MYO15A: variants seen among roughly 807,000 people sequenced by gnomAD.
The protein encoded by MYO15A is myosin XVA, also known as unconventional myosin-XV.
In MYO15A, 308 loss-of-function variants were observed where a neutral mutation model predicts 394.6. The ratio of observed to expected loss-of-function variants is 0.78; its 90% CI spans 0.71 to 0.86. The LOEUF (loss-of-function observed/expected upper bound fraction) is 0.86. MYO15A is among the 40% of genes least tolerant of loss of function. The pLI is 0.00. For missense variants in MYO15A, 4,606 were observed against 4,799.1 expected (o/e 0.96, Z 1.19); for synonymous variants, 1,957 against 2,003.8 (o/e 0.98, Z 0.62).
intron 60 of MYO15A, chr17:18,165,091 C>CA (rs542838222): frequency 0.038 from 1,836 of 48,784 alleles, 22 homozygotes; most frequent in African/African-American, 0.06. Flanking sequence ...AACTCCATCT[C>CA]AAAAAAAAAA....
chr17:18,135,596 C>T (rs2046251213), intron 12 of MYO15A, 115 bp from the exon 13 acceptor site: 8 of 984,246 alleles, frequency 8.1e-6, no homozygotes, highest in Middle Eastern at 5.5e-4. Context: ...CCGCCTCAGC[C>T]TCCCAAAGTG....
chr17:18,117,549 T>TGAGGAGGAA lies in MYO15A; in HGVS notation c.-219-1024_-219-1016dup, dbSNP rs1379235897. Among the ~76,000 whole-genome samples, 1 of 152,166 alleles carries TGAGGAGGAA rather than the reference T, an allele frequency of 6.6e-6. No homozygotes were observed. The highest frequency in any genetic ancestry group is 2.4e-5 in the African/African-American group (1 of 41,434). ...GAGTTCAGTGAGTTGAGGTCCATCTTGAGGAGGAAGAGGAGGAGGAGAGCT... is the reference window on the plus strand; with the variant it reads ...GAGTTCAGTGAGTTGAGGTCCATCTTGAGGAGGAAGAGGAGGAAGAGGAGGAGGAGAGCT... On this transcript the variant is annotated intron_variant, in intron 1 of 65. Coordinates refer to ENST00000647165, the MANE Select transcript of MYO15A (RefSeq NM_016239.4). The surrounding 1 kb of genome is among the most constrained non-coding windows in gnomAD (Gnocchi z 4.1).
In MYO15A at chr17:18,136,441, A is replaced by G. The variant is rs755006700; in HGVS notation, c.4621A>G (p.Thr1541Ala). Residue 1541 changes from threonine (T) to alanine (A), a missense_variant, in exon 14 of 66, where the codon ACG becomes GCG. Thr to Ala is a moderately conservative substitution (Grantham distance 58, BLOSUM62 0). This residue lies in a region of MYO15A where 2,776 missense variants were observed against 3,109.3 expected (regional missense o/e 0.89). Coordinates refer to ENST00000647165, the MANE Select transcript of MYO15A (RefSeq NM_016239.4). ...GGAGACAATGCGAGAGAAGATCTTC[A>G]CGCCCCTAACTGTGGAGAGCGCTGT... ...VTETMREKIF[T>A]PLTVESAVDA... 1 of 1,613,774 alleles carries G rather than the reference A, an allele frequency of 6.2e-7. No individual in the cohort carries two copies. Among genetic ancestry groups the G allele is most frequent in the Non-Finnish European group, 8.5e-7 (1 of 1,180,012 alleles).
chr17:18,148,479 C>A lies in MYO15A; in HGVS notation c.6692-17C>A. On this transcript the variant is annotated splice_polypyrimidine_tract_variant and intron_variant, in intron 31 of 65. Coordinates refer to ENST00000647165, the MANE Select transcript of MYO15A (RefSeq NM_016239.4). The surrounding 1 kb of genome is among the most constrained non-coding windows in gnomAD (Gnocchi z 4.8). ...CTCAGATGCTCCAACCTGAGCCCGG[C>A]ACCTGCTGCGCCCCAGGTGACCAGT... is the stretch of plus-strand genomic sequence containing the variant. 1 of 1,551,782 alleles carries A rather than the reference C, an allele frequency of 6.4e-7. No individual in the cohort carries two copies.
chr17:18,139,693 C>A, intron 19 of MYO15A, 82 bp downstream of exon 19: 1 of 1,513,354 alleles, frequency 6.6e-7, no homozygotes. Flanking sequence ...AGGCCTGGGA[C>A]CGTGTTGCCA....
intron 60 of MYO15A, 72 bp downstream of exon 60, chr17:18,163,910 AC>A: frequency 6.6e-7 from 1 of 1,513,132 alleles, no homozygotes. Context: ...GGGGCCCTCC[AC>A]CCAGATTTTA....
At chr17:18,168,225 G>A (rs1007471987) in intron 62 of MYO15A, among the ~76,000 whole-genome samples, 10 of 151,848 alleles carry the variant, frequency 6.6e-5, no homozygotes, top group African/African-American at 2.2e-4. Context: ...TTATAGAGAC[G>A]GGGTCTTGCT....
intron 1 of MYO15A, among the ~76,000 whole-genome samples, chr17:18,114,871 T>C (rs536103682): frequency 2.0e-5 from 3 of 152,084 alleles, no homozygotes; most frequent in Non-Finnish European, 2.9e-5. Context: ...GTGGCCTCTC[T>C]TCCCTCTATA....
chr17:18,151,783 C>CA, intron 40 of MYO15A, 63 bp from the exon 41 acceptor site: 1 of 1,473,482 alleles, frequency 6.8e-7, no homozygotes, highest in Non-Finnish European at 9.3e-7. Flanking sequence ...TTCCTACTGT[C>CA]AAACTATGTG....
At chr17:18,157,397 C>G in intron 50 of MYO15A, 167 bp downstream of exon 50, 1 of 1,052,578 alleles carries the variant, frequency 9.5e-7, no homozygotes, top group Non-Finnish European at 1.4e-6. Context: ...GCCAGACAGC[C>G]CAGCCCTCTG....
intron 59 of MYO15A, 86 bp downstream of exon 59, chr17:18,163,407 C>T (rs1017881974): frequency 5.0e-6 from 7 of 1,388,912 alleles, no homozygotes; most frequent in Non-Finnish European, 7.1e-6. Context: ...GTGGAGTAAG[C>T]CCCCAATGAT....
chr17:18,160,818 C>T (rs931398544), intron 56 of MYO15A: 8 of 296,504 alleles, frequency 2.7e-5, no homozygotes, highest in African/African-American at 8.7e-5. Context: ...GGCCAGCACA[C>T]AGTACGTGCC....
In MYO15A at chr17:18,132,317, A is replaced by T; in HGVS notation, c.4207-136A>T. The T allele has an allele frequency of 1.4e-6, 1 of 704,878 alleles. No homozygotes were observed. Among genetic ancestry groups the T allele is most frequent in the Non-Finnish European group, 2.5e-6 (1 of 395,474 alleles). 43.7% of individuals were successfully genotyped at this position (704,878 alleles called of 1,614,324 possible). A position where few individuals can be genotyped will look rare whatever the true frequency, so the allele number is the denominator to read the frequency against. On this transcript the variant is annotated intron_variant, in intron 10 of 65. Transcript: ENST00000647165. This position sits in a 1 kb window ranked among gnomAD's most constrained non-coding sequence, Gnocchi z 4.6. ...TGGCACCAGGCTGGGAGCCTCACCCATCACAGAGGCGCGTGTTCTCATCTG... is the reference window on the plus strand; with the variant it reads ...TGGCACCAGGCTGGGAGCCTCACCCTTCACAGAGGCGCGTGTTCTCATCTG...
In MYO15A at chr17:18,131,540, C is replaced by A. The variant is rs745477950; in HGVS notation, c.4206+9C>A. 5 of 1,613,716 alleles carry A rather than the reference C, an allele frequency of 3.1e-6. No individual in the cohort carries two copies. Among genetic ancestry groups the A allele is most frequent in the Non-Finnish European group, 4.2e-6 (5 of 1,179,868 alleles). ...CCAGGATCGTGTTTCAGGTGGGCCACCCCCTCCCAGGCCTCTGTGTTGGGC... is the reference window on the plus strand; with the variant it reads ...CCAGGATCGTGTTTCAGGTGGGCCAACCCCTCCCAGGCCTCTGTGTTGGGC... On this transcript the variant is annotated intron_variant, in intron 10 of 65. Transcript: ENST00000647165.
At chr17:18,146,664 C>G (rs2046486400) in intron 30 of MYO15A, among the ~76,000 whole-genome samples, 2 of 152,206 alleles carry the variant, frequency 1.3e-5, no homozygotes, top group Non-Finnish European at 2.9e-5. Flanking sequence ...GTGGCTCAGG[C>G]CTGTAATCCC....
Position 18,154,161 on chromosome 17 carries a change from C to A in MYO15A, c.8119C>A (p.Pro2707Thr). Residue 2707 changes from proline to threonine, a missense_variant, in exon 44 of 66, where the codon CCT becomes ACT. Around this residue, in one of 2 missense-constraint regions of MYO15A, gnomAD observed 2,776 missense variants for 3,109.3 expected, o/e 0.89. Coordinates refer to ENST00000647165, the MANE Select transcript of MYO15A (RefSeq NM_016239.4). ...TTACCCCAAGGACAGCTACAGCCAT[C>A]CTGTGCAGCTTGACCTCCTGTTCCG... ...VFYPKDSYSH[P>T]VQLDLLFRQI... is the part of the protein sequence containing the mutation. 6.2e-7 allele frequency: 1 copy of A among 1,614,102 alleles called. No individual in the cohort carries two copies. The highest frequency in any genetic ancestry group is 2.2e-5 in the East Asian group (1 of 44,876).
intron 57 of MYO15A, among the ~76,000 whole-genome samples, chr17:18,162,073 AC>A (rs2046784807): frequency 6.6e-6 from 1 of 152,138 alleles, no homozygotes; most frequent in African/African-American, 2.4e-5. Flanking sequence ...AGATGAATAG[AC>A]CCAGCTCCCT....
intron 61 of MYO15A, among the ~76,000 whole-genome samples, chr17:18,167,015 A>G (rs1199014456): frequency 6.6e-6 from 1 of 152,190 alleles, no homozygotes; most frequent in Non-Finnish European, 1.5e-5. Flanking sequence ...GCTTGGACAG[A>G]AAGTGTGTGT....
chr17:18,121,626 C>T lies in MYO15A; in HGVS notation c.2826C>T (p.Pro942=). 7 of 1,603,250 alleles carry T rather than the reference C, an allele frequency of 4.4e-6. No individual in the cohort carries two copies. Among genetic ancestry groups the T allele is most frequent in the Non-Finnish European group, 4.3e-6 (5 of 1,174,890 alleles). Residue 942 remains proline, a synonymous_variant, in exon 2 of 66, where the codon CCC becomes CCT. Coordinates refer to ENST00000647165, the MANE Select transcript of MYO15A (RefSeq NM_016239.4). The surrounding 1 kb of genome is among the most constrained non-coding windows in gnomAD (Gnocchi z 5.3). ...DMPPTQRPPS[P]WPGGAGSRRG... Reference sequence around the variant, plus strand: ...CTCCCACCCAACGCCCACCCTCCCCCTGGCCAGGAGGTGCAGGCAGCCGCC... The same window carrying T: ...CTCCCACCCAACGCCCACCCTCCCCTTGGCCAGGAGGTGCAGGCAGCCGCC...
Sources: allele counts gnomAD v4.1 joint callset (sites outside exome capture counted in the v4.1 genomes callset), GRCh38; gene constraint gnomAD v4.1.1; regional missense constraint gnomAD v4.1.1; non-coding constraint Gnocchi (gnomAD v3.1); transcripts MANE v1.5; gene names NCBI Gene and HGNC (gene_info 2026-07-23, HGNC 2026-07-21).